Variants in ZPBP observed in about 807,000 individuals in gnomAD.
ZPBP encodes zona pellucida binding protein.
Under a neutral mutation model 44.8 loss-of-function variants are expected in ZPBP, and 26 were observed. The observed-to-expected ratio is 0.58, with a 90% CI of 0.43 to 0.81. The LOEUF is 0.81. Among genes scored for constraint, ZPBP ranks in the 30% least tolerant of loss-of-function variants. ZPBP has a pLI of 0.00. For missense variants in ZPBP, 409 were observed against 434.0 expected, an observed-to-expected ratio of 0.94 and a Z score of 0.51; for synonymous variants, 174 against 153.2, an observed-to-expected ratio of 1.14 and a Z score of -1.00.
intron 6 of ZPBP, among the ~76,000 whole-genome samples, chr7:49,991,775 T>C (rs556942389): frequency 1.3e-5 from 2 of 152,126 alleles, no homozygotes; most frequent in South Asian, 4.1e-4. Context: ...AATTTAAAAA[T>C]AGGAAAAATA....
chr7:50,080,414 T>C (rs1802299554), intron 3 of ZPBP, among the ~76,000 whole-genome samples: 1 of 151,728 alleles, frequency 6.6e-6, no homozygotes, highest in Non-Finnish European at 1.5e-5. Flanking sequence ...TACTTTTCTA[T>C]TATAAGAGTG....
intron 5 of ZPBP, among the ~76,000 whole-genome samples, chr7:50,026,398 CAGAT>C (rs1584070709): frequency 6.6e-6 from 1 of 151,776 alleles, no homozygotes; most frequent in Non-Finnish European, 1.5e-5. Flanking sequence ...GATCAATAAG[CAGAT>C]AGAGCACTTG....
chr7:49,872,934 AAAAG>A (rs1163136710), intron 2 of ZPBP, among the ~76,000 whole-genome samples: 1 of 148,592 alleles, frequency 6.7e-6, no homozygotes, highest in Non-Finnish European at 1.5e-5. Context: ...AAAAAAAAAA[AAAAG>A]AAAGAAAAAA....
At chr7:50,054,034 ATGC>A (rs1009652581) in intron 4 of ZPBP, among the ~76,000 whole-genome samples, 3 of 152,070 alleles carry the variant, frequency 2.0e-5, no homozygotes, top group African/African-American at 4.8e-5. Context: ...GATTACAGGC[ATGC>A]ACCACCACGC....
At position 49,879,087 on chromosome 7, in the gene ZPBP, A is replaced by G. The variant is rs532555206; in HGVS notation, n.509+22031T>C. On this transcript the variant is annotated intron_variant and non_coding_transcript_variant, in intron 2 of 2. Coordinates refer to the ZPBP transcript ENST00000465922. Reference sequence around the variant, plus strand: ...TAATATCCGGCAGTTCATTCCCTCAATCCTCAAAGGTCTCTGCTTTTTCTT... The same window carrying G: ...TAATATCCGGCAGTTCATTCCCTCAGTCCTCAAAGGTCTCTGCTTTTTCTT... Among the ~76,000 whole-genome samples the G allele has an allele frequency of 2.6e-5, 4 of 152,078 alleles. No individual in the cohort carries two copies. The South Asian group carries it at 6.2e-4, about 24-fold the overall frequency.
intron 6 of ZPBP, among the ~76,000 whole-genome samples, chr7:49,994,260 G>T (rs1162313668): frequency 6.6e-6 from 1 of 152,098 alleles, no homozygotes; most frequent in Non-Finnish European, 1.5e-5. Context: ...GCCCACTTTT[G>T]GGTGGTCCTG....
chr7:49,920,016 T>C (rs1308382394), intron 1 of ZPBP: 1 of 152,182 alleles, frequency 6.6e-6, no homozygotes, highest in African/African-American at 2.4e-5. Context: ...AGTAAATGTC[T>C]TTAAAATAAA....
At position 49,982,252 on chromosome 7, in the gene ZPBP, AT is replaced by A. The variant is rs1257408775; in HGVS notation, c.961+1089del. ...AATATATAATATAATTATATTATATATTTATATTATATATTATATATAATTT... is the reference window on the plus strand; with the variant it reads ...AATATATAATATAATTATATTATATATTATATTATATATTATATATAATTT... On this transcript the variant is annotated intron_variant, in intron 7 of 7. Coordinates refer to ENST00000046087, the MANE Select transcript of ZPBP (RefSeq NM_007009.3). 1.3e-4 allele frequency among the ~76,000 whole-genome samples: 14 copies of A among 106,892 alleles called. No homozygotes were observed. In the East Asian group the frequency reaches 1.4e-3, roughly 11 times the overall value. The allele number at this position is 106,892 out of a possible 152,430, so 70.1% of individuals were successfully genotyped here. A position where few individuals can be genotyped will look rare whatever the true frequency, so the allele number is the denominator to read the frequency against.
intron 4 of ZPBP, among the ~76,000 whole-genome samples, chr7:50,045,458 G>T (rs917192606): frequency 6.6e-6 from 1 of 152,150 alleles, no homozygotes; most frequent in Non-Finnish European, 1.5e-5. Flanking sequence ...AAAGTCTCAA[G>T]ATACAAAATC....
intron 2 of ZPBP, among the ~76,000 whole-genome samples, chr7:49,869,855 G>A (rs6963083): frequency 0.67 from 102,105 of 151,772 alleles, 35,204 homozygotes; most frequent in East Asian, 0.88. Flanking sequence ...AGCTTACTAG[G>A]TACCCATTCA....
intron 2 of ZPBP, among the ~76,000 whole-genome samples, chr7:49,894,863 A>G (rs1792306732): frequency 6.6e-6 from 1 of 152,208 alleles, no homozygotes; most frequent in Non-Finnish European, 1.5e-5. Flanking sequence ...CCTGGGCTAG[A>G]GTGTGCTGGC....
At chr7:49,884,400 A>T (rs1463192952) in intron 2 of ZPBP, among the ~76,000 whole-genome samples, 3 of 152,194 alleles carry the variant, frequency 2.0e-5, no homozygotes, top group African/African-American at 7.2e-5. Context: ...AAAGTCTCAA[A>T]TCTGTCTCCT....
intron 6 of ZPBP, among the ~76,000 whole-genome samples, chr7:50,004,026 C>A (rs1303785248): frequency 6.6e-6 from 1 of 152,106 alleles, no homozygotes; most frequent in Non-Finnish European, 1.5e-5. Flanking sequence ...ATGAGCATGT[C>A]TGCATTGAGG....
At chr7:49,963,078 A>T (rs1442004674) in intron 7 of ZPBP, among the ~76,000 whole-genome samples, 1 of 151,698 alleles carries the variant, frequency 6.6e-6, no homozygotes, top group East Asian at 1.9e-4. Flanking sequence ...TCAGAGAAGA[A>T]TATATATGAA....
intron 2 of ZPBP, among the ~76,000 whole-genome samples, chr7:50,089,043 T>G (rs1353142800): frequency 5.3e-5 from 8 of 152,054 alleles, no homozygotes; most frequent in African/African-American, 1.2e-4. Context: ...CAGGCAAACC[T>G]ATAGAGACAG....
intron 2 of ZPBP, among the ~76,000 whole-genome samples, chr7:49,885,788 T>C (rs1397229952): frequency 1.3e-5 from 2 of 152,216 alleles, no homozygotes; most frequent in African/African-American, 4.8e-5. Flanking sequence ...GCTTGCGGCC[T>C]GGACCACTAG....
In ZPBP at chr7:49,877,477, A is replaced by AT. The variant is rs1328874623; in HGVS notation, n.509+23640_509+23641insA. ...AACTCTGTCTCAAAAAAAAAAAAAA[A>AT]AAAAATATATATATATATATATATA... On this transcript the variant is annotated intron_variant and non_coding_transcript_variant, in intron 2 of 2. Coordinates refer to the ZPBP transcript ENST00000465922. 4.2e-3 allele frequency among the ~76,000 whole-genome samples: 72 copies of AT among 17,278 alleles called. 11 individuals carry two copies. The highest frequency in any genetic ancestry group is 5.8e-3 in the Non-Finnish European group (53 of 9,196). The allele number at this position is 17,278 out of a possible 152,430, so 11.3% of individuals were successfully genotyped here. A position where few individuals can be genotyped will look rare whatever the true frequency, so the allele number is the denominator to read the frequency against.
chr7:50,039,835 G>A (rs920429833), intron 4 of ZPBP, among the ~76,000 whole-genome samples: 1 of 149,382 alleles, frequency 6.7e-6, no homozygotes, highest in African/African-American at 2.4e-5. Flanking sequence ...TGTAATATGT[G>A]TAATATTGAT....
chr7:49,980,864 T>G (rs1376765276), intron 7 of ZPBP, among the ~76,000 whole-genome samples: 1 of 152,016 alleles, frequency 6.6e-6, no homozygotes, highest in Non-Finnish European at 1.5e-5. Context: ...TCTCATTAAG[T>G]CATTTCTAAT....
Sources: allele counts gnomAD v4.1 joint callset (sites outside exome capture counted in the v4.1 genomes callset), GRCh38; gene constraint gnomAD v4.1.1; transcripts MANE v1.5; gene names NCBI Gene and HGNC (gene_info 2026-07-23, HGNC 2026-07-21).